Variants in RYR2 observed in about 807,000 individuals in gnomAD.
RYR2 encodes ryanodine receptor 2.
RYR2 carries 227 observed loss-of-function variants against 601.1 expected under a neutral mutation model. The ratio of observed to expected loss-of-function variants is 0.38; its 90% CI spans 0.34 to 0.42. RYR2 has a LOEUF of 0.42. Ranked by LOEUF, RYR2 falls within the 10% of genes least tolerant of loss-of-function variation. RYR2 has a pLI of 1.00. For synonymous variants in RYR2, 2,223 were observed against 2,175.1 expected (o/e 1.02, Z -0.61); for missense variants, 4,646 against 6,156.5 (o/e 0.75, Z 8.21).
intron 80 of RYR2, among the ~76,000 whole-genome samples, chr1:237,745,650 C>T (rs982986771): frequency 2.0e-5 from 3 of 152,132 alleles, no homozygotes; most frequent in East Asian, 1.9e-4. Flanking sequence ...AATATTTAGA[C>T]ACTAGGATTC....
At chr1:237,081,425 G>A (rs537808153) in intron 1 of RYR2, among the ~76,000 whole-genome samples, 84 of 151,784 alleles carry the variant, frequency 5.5e-4, no homozygotes, top group Admixed American at 1.6e-3. Flanking sequence ...CTTCAGGGAG[G>A]GCCAGGTTCT....
At chr1:237,687,614 G>GCAAA in intron 63 of RYR2, 110 bp downstream of exon 63, 6 of 822,596 alleles carry the variant, frequency 7.3e-6, no homozygotes, top group Non-Finnish European at 1.2e-5. Context: ...TTGCATGGCT[G>GCAAA]CATGCATGGT....
At position 237,604,548 on chromosome 1, in the gene RYR2, G is replaced by A. The variant is rs575755121; in HGVS notation, c.4683+2437G>A. ...AGAGCAAACACATTCAAAGGCTAGCGGAAGGCAAGAAATAACTAAGATCCG... is the reference window on the plus strand; with the variant it reads ...AGAGCAAACACATTCAAAGGCTAGCAGAAGGCAAGAAATAACTAAGATCCG... On this transcript the variant is annotated intron_variant, in intron 35 of 104. Transcript: ENST00000366574. Among the ~76,000 whole-genome samples, 53 of 151,998 alleles carry A rather than the reference G, an allele frequency of 3.5e-4. 1 individual carries two copies. The highest frequency in any genetic ancestry group is 1.5e-3 in the South Asian group (7 of 4,812).
chr1:237,487,778 G>A (rs61833800), intron 17 of RYR2, among the ~76,000 whole-genome samples: 4,608 of 150,620 alleles, frequency 0.031, 104 homozygotes, highest in Non-Finnish European at 0.048. Context: ...TGAGGTATTG[G>A]CCATCTAATA....
At chr1:237,148,524 AAAAAT>A (rs1200573684) in intron 1 of RYR2, among the ~76,000 whole-genome samples, 11 of 79,776 alleles carry the variant, frequency 1.4e-4, no homozygotes, top group East Asian at 1.0e-3. Flanking sequence ...GTAAAAAAAA[AAAAAT>A]ATATATATAT....
intron 73 of RYR2, among the ~76,000 whole-genome samples, chr1:237,719,603 G>A (rs370928155): frequency 8.5e-5 from 13 of 152,248 alleles, no homozygotes; most frequent in African/African-American, 3.1e-4. Context: ...GCAGCACCAA[G>A]GGGATGCTGC....
At chr1:237,831,898 A>G (rs1191687246) in intron 104 of RYR2, among the ~76,000 whole-genome samples, 2 of 152,184 alleles carry the variant, frequency 1.3e-5, no homozygotes, top group African/African-American at 4.8e-5. Context: ...AATGAACTTC[A>G]AAGTATTATG....
At position 237,816,124 on chromosome 1, in the gene RYR2, T is replaced by C. The variant is rs567523825; in HGVS notation, c.14434-2912T>C. 3.3e-5 allele frequency among the ~76,000 whole-genome samples: 5 copies of C among 152,218 alleles called. No homozygotes were observed. The East Asian group carries it at 5.8e-4, about 18-fold the overall frequency. ...GGACTGGGAACTGCACAATCCACTGTTGGCTCACTGTGGGGATTGGAATGG... is the reference window on the plus strand; with the variant it reads ...GGACTGGGAACTGCACAATCCACTGCTGGCTCACTGTGGGGATTGGAATGG... On this transcript the variant is annotated intron_variant, in intron 100 of 104. Transcript: ENST00000366574.
At position 237,441,390 on chromosome 1, in the gene RYR2, A is replaced by G. The variant is rs727505317; in HGVS notation, c.1077A>G (p.Ser359=). The G allele has an allele frequency of 2.5e-5, 41 of 1,613,738 alleles. No homozygotes were observed. The highest frequency in any genetic ancestry group is 4.2e-6 in the Non-Finnish European group (5 of 1,179,770). The change falls in exon 13 of 105, where the codon TCA becomes TCG. Residue 359 remains serine, a synonymous_variant. Transcript: ENST00000366574. The stretch of plus-strand genomic sequence containing the variant: ...CATCTGAAATAAAATACGGTGACTC[A>G]GTATGCTATATACAACATGTAGACA... ...MGTSEIKYGD[S]VCYIQHVDTG...
At chr1:237,266,405 CAT>C (rs1317957543) in intron 1 of RYR2, among the ~76,000 whole-genome samples, 4 of 151,894 alleles carry the variant, frequency 2.6e-5, no homozygotes, top group African/African-American at 7.3e-5. Flanking sequence ...ATGTGCATTT[CAT>C]ATATATGTTA....
intron 56 of RYR2, among the ~76,000 whole-genome samples, chr1:237,661,788 G>A (rs1040106801): frequency 2.0e-5 from 3 of 152,122 alleles, no homozygotes; most frequent in Admixed American, 6.5e-5. Context: ...AAGGGAGTTC[G>A]ACAAACAAGC....
chr1:237,705,988 T>C (rs1015836396), intron 67 of RYR2, among the ~76,000 whole-genome samples: 8 of 152,204 alleles, frequency 5.3e-5, no homozygotes, highest in Admixed American at 1.3e-4. Context: ...CAGTGGCTCA[T>C]GCCTGTAATC....
chr1:237,042,615 G>C, intron 1 of RYR2, 46 bp downstream of exon 1: 1 of 1,250,258 alleles, frequency 8.0e-7, no homozygotes, highest in African/African-American at 1.5e-5. Flanking sequence ...GGGGGCGTCA[G>C]GGCATCCACT....
At chr1:237,453,612 CAG>C (rs1444649616) in intron 14 of RYR2, among the ~76,000 whole-genome samples, 1 of 152,040 alleles carries the variant, frequency 6.6e-6, no homozygotes, top group Non-Finnish European at 1.5e-5. Flanking sequence ...ATATCAACTA[CAG>C]TAGAGATGTT....
chr1:237,196,191 A>T (rs187356637), intron 1 of RYR2, among the ~76,000 whole-genome samples: 1 of 152,320 alleles, frequency 6.6e-6, no homozygotes, highest in Admixed American at 6.5e-5. Context: ...GTAACAAATT[A>T]TCTTCAGAAG....
chr1:237,509,956 G>A (rs1665715739), intron 23 of RYR2, among the ~76,000 whole-genome samples: 1 of 152,232 alleles, frequency 6.6e-6, no homozygotes, highest in African/African-American at 2.4e-5. Flanking sequence ...CACCTCTGCT[G>A]TGGTGTGGAG....
At chr1:237,339,281 T>C (rs574762374) in intron 3 of RYR2, among the ~76,000 whole-genome samples, 1 of 152,304 alleles carries the variant, frequency 6.6e-6, no homozygotes, top group South Asian at 2.1e-4. Context: ...TGGAATATGA[T>C]AAGAACTCAA....
chr1:237,276,053 G>T lies in RYR2; in HGVS notation c.168+5437G>T, dbSNP rs567353468. 5.3e-5 allele frequency among the ~76,000 whole-genome samples: 8 copies of T among 152,256 alleles called. No individual in the cohort carries two copies. The South Asian group carries it at 1.7e-3, about 32-fold the overall frequency. On this transcript the variant is annotated intron_variant, in intron 2 of 104. Coordinates refer to ENST00000366574, the MANE Select transcript of RYR2 (RefSeq NM_001035.3). ...TTAGAATGCATGGGATATAGCTAAA[G>T]AAGTTATCAGAATAAAATCTATAGC...
At chr1:237,457,778 G>A (rs1396728328) in intron 16 of RYR2, among the ~76,000 whole-genome samples, 4 of 152,176 alleles carry the variant, frequency 2.6e-5, no homozygotes. Flanking sequence ...TTTGCAAGAT[G>A]TGCAAAAACA....
Sources: allele counts gnomAD v4.1 joint callset (sites outside exome capture counted in the v4.1 genomes callset), GRCh38; gene constraint gnomAD v4.1.1; transcripts MANE v1.5; gene names NCBI Gene and HGNC (gene_info 2026-07-23, HGNC 2026-07-21).